C2orf66: variants seen among roughly 807,000 people sequenced by gnomAD.
The protein encoded by C2orf66 is uncharacterized protein C2orf66.
A neutral mutation model predicts 7.0 loss-of-function variants in C2orf66; 6 were observed. That is an observed-to-expected ratio of 0.86 (90% confidence interval 0.47 to 1.69). C2orf66 has a LOEUF of 1.69. Ranked by LOEUF, C2orf66 falls within the 40% of genes most tolerant of loss-of-function variation. C2orf66 has a pLI of 0.01. For synonymous variants in C2orf66, 38 were observed against 43.8 expected (o/e 0.87, Z 0.52); for missense variants, 107 against 112.0 (o/e 0.96, Z 0.20).
At chr2:196,828,903 T>A in the C2orf66 span, among the ~76,000 whole-genome samples, 1 of 152,136 alleles carries the variant, frequency 6.6e-6, no homozygotes. Flanking sequence ...GACAGCAACC[T>A]GGTCAAATTC....
At chr2:196,826,857 C>T in the C2orf66 span, among the ~76,000 whole-genome samples, 2 of 151,756 alleles carry the variant, frequency 1.3e-5, no homozygotes, top group South Asian at 2.1e-4. Context: ...ATGGTGAAGC[C>T]CCATCTCTAA....
the C2orf66 span, among the ~76,000 whole-genome samples, chr2:196,820,716 A>G: frequency 1.3e-5 from 2 of 152,324 alleles, no homozygotes; most frequent in Middle Eastern, 6.8e-3. Flanking sequence ...ATACTTATGA[A>G]TAAGAATTCT....
chr2:196,809,388 TGAGA>T (rs1699850633), upstream of C2orf66: 2 of 1,608,422 alleles, frequency 1.2e-6, no homozygotes, highest in East Asian at 4.5e-5. Flanking sequence ...CAATGATCAT[TGAGA>T]GAGATAGTCA....
upstream of C2orf66, among the ~76,000 whole-genome samples, chr2:196,813,887 G>C (rs143581913): frequency 3.3e-5 from 5 of 152,050 alleles, no homozygotes; most frequent in African/African-American, 9.7e-5. Context: ...ATCTCACACC[G>C]GTTAGAATGG....
At chr2:196,825,793 C>T in the C2orf66 span, among the ~76,000 whole-genome samples, 25 of 152,158 alleles carry the variant, frequency 1.6e-4, no homozygotes, top group Non-Finnish European at 3.1e-4. Flanking sequence ...CACTAATGCT[C>T]TCACACATTC....
At chr2:196,817,273 C>T in the C2orf66 span, among the ~76,000 whole-genome samples, 25 of 110,722 alleles carry the variant, frequency 2.3e-4, no homozygotes, top group African/African-American at 8.4e-4. Flanking sequence ...CTTGTTCTTT[C>T]GCCCAGGCTG....
chr2:196,811,491 G>T (rs1263021116), upstream of C2orf66, among the ~76,000 whole-genome samples: 2 of 152,116 alleles, frequency 1.3e-5, no homozygotes, highest in Non-Finnish European at 2.9e-5. Context: ...TTAATGTACT[G>T]GGTACTACGG....
the C2orf66 span, among the ~76,000 whole-genome samples, chr2:196,828,933 T>C: frequency 1.2e-4 from 18 of 152,176 alleles, no homozygotes; most frequent in South Asian, 4.1e-4. Flanking sequence ...TGTGAGACTC[T>C]GAGCAGAGAA....
the C2orf66 span, among the ~76,000 whole-genome samples, chr2:196,821,311 A>G: frequency 6.6e-6 from 1 of 152,218 alleles, no homozygotes; most frequent in Admixed American, 6.5e-5. Context: ...TGTTGTTTTA[A>G]GCCATCCAGT....
At chr2:196,830,430 A>T in the C2orf66 span, among the ~76,000 whole-genome samples, 1 of 152,176 alleles carries the variant, frequency 6.6e-6, no homozygotes, top group Non-Finnish European at 1.5e-5. Flanking sequence ...CAGCTCTCCT[A>T]ATCATTCCCC....
upstream of C2orf66, among the ~76,000 whole-genome samples, chr2:196,811,351 A>T (rs1332684102): frequency 2.6e-5 from 4 of 152,242 alleles, no homozygotes; most frequent in East Asian, 7.7e-4. Context: ...GCTAGAAAAG[A>T]GGGCTGCGCA....
chr2:196,823,724 T>C, the C2orf66 span, among the ~76,000 whole-genome samples: 1 of 152,158 alleles, frequency 6.6e-6, no homozygotes. Flanking sequence ...TTGTCTAGTT[T>C]GGTGAAGACT....
At chr2:196,825,209 T>A in the C2orf66 span, among the ~76,000 whole-genome samples, 10 of 119,920 alleles carry the variant, frequency 8.3e-5, no homozygotes, top group African/African-American at 3.0e-4. Context: ...GGCAACAGAG[T>A]GAGACTCTGT....
chr2:196,812,691 C>T (rs1699888536), upstream of C2orf66, among the ~76,000 whole-genome samples: 1 of 152,192 alleles, frequency 6.6e-6, no homozygotes, highest in African/African-American at 2.4e-5. Flanking sequence ...ACCCCATTGT[C>T]TCAGCCCAAA....
the C2orf66 span, among the ~76,000 whole-genome samples, chr2:196,831,543 A>C: frequency 6.6e-6 from 1 of 152,180 alleles, no homozygotes; most frequent in Non-Finnish European, 1.5e-5. Context: ...ATACCACTCC[A>C]TGCAGGCATA....
chr2:196,809,329 C>G lies in C2orf66; in HGVS notation c.8G>C (p.Arg3Thr). MT[R>T]APLLLLCVAL... ...AACACATAGTAGCAGGAGAGGTGCT[C>G]TGGTCATGGTGGAGTGAAGCTGAGT... Residue 3 changes from arginine to threonine, a missense_variant, in exon 1 of 3, where the codon AGA becomes ACA. Arg to Thr is a moderately conservative substitution (Grantham distance 71). Coordinates refer to ENST00000342506, the MANE Select transcript of C2orf66 (RefSeq NM_213608.3). 1.9e-6 allele frequency: 3 copies of G among 1,613,916 alleles called. No individual in the cohort carries two copies. The highest frequency in any genetic ancestry group is 2.5e-6 in the Non-Finnish European group (3 of 1,179,910).
upstream of C2orf66, among the ~76,000 whole-genome samples, chr2:196,812,258 T>G (rs1395102620): frequency 6.6e-6 from 1 of 152,164 alleles, no homozygotes; most frequent in Non-Finnish European, 1.5e-5. Flanking sequence ...AATATTAAAT[T>G]TTTACTGAGG....
chr2:196,816,465 T>A, the C2orf66 span, among the ~76,000 whole-genome samples: 1 of 152,228 alleles, frequency 6.6e-6, no homozygotes. Flanking sequence ...ATCTGTCGTA[T>A]TCTTTGCTAT....
chr2:196,805,182 G>A lies in C2orf66; in HGVS notation c.*246C>T, dbSNP rs758996726. ...TTTTGTAACTCCTACAAATACATGC[G>A]GTGCTCTACATCAATATTTATGGTT... On this transcript the variant is annotated 3_prime_UTR_variant, in exon 3 of 3. Coordinates refer to ENST00000342506, the MANE Select transcript of C2orf66 (RefSeq NM_213608.3). 7.9e-5 allele frequency: 12 copies of A among 151,926 alleles called. No homozygotes were observed. Among genetic ancestry groups the A allele is most frequent in the East Asian group, 3.9e-4 (2 of 5,170 alleles). 9.4% of individuals were successfully genotyped at this position (151,926 alleles called of 1,614,324 possible). A position where few individuals can be genotyped will look rare whatever the true frequency, so the allele number is the denominator to read the frequency against.
Sources: gnomAD v4.1 joint callset for allele counts (sites outside exome capture counted in the v4.1 genomes callset) on GRCh38, gnomAD v4.1.1 for gene constraint, MANE v1.5 for transcripts, NCBI Gene and HGNC (gene_info 2026-07-23, HGNC 2026-07-21) for gene names.